The following ZC3H14 variants were observed in gnomAD, a reference collection of about 807,000 sequenced individuals.
ZC3H14 encodes the protein zinc finger CCCH domain-containing protein 14.
Under a neutral mutation model 92.4 loss-of-function variants are expected in ZC3H14, and 31 were observed. The ratio of observed to expected loss-of-function variants is 0.34; its 90% CI spans 0.25 to 0.45. The LOEUF is 0.45. Among genes scored for constraint, ZC3H14 ranks in the 20% least tolerant of loss-of-function variants. The probability of loss-of-function intolerance (pLI) is 1.00; values close to 1 mark genes in which losing one functional copy is unlikely to be tolerated. For synonymous variants in ZC3H14, 321 were observed against 300.9 expected, an observed-to-expected ratio of 1.07 and a Z score of -0.69; for missense variants, 781 against 897.3, an observed-to-expected ratio of 0.87 and a Z score of 1.66.
intron 10 of ZC3H14, among the ~76,000 whole-genome samples, chr14:88,599,457 A>C (rs1315905404): frequency 6.6e-6 from 1 of 152,134 alleles, no homozygotes; most frequent in Non-Finnish European, 1.5e-5. Context: ...GTCTCTACTC[A>C]GAAGATGTTA....
intron 9 of ZC3H14, among the ~76,000 whole-genome samples, chr14:88,593,708 A>G (rs1037112195): frequency 6.6e-6 from 1 of 152,226 alleles, no homozygotes; most frequent in South Asian, 2.1e-4. Flanking sequence ...ATCTTATGTC[A>G]TAAACAAAAA....
chr14:88,610,986 T>C (rs766606060), intron 16 of ZC3H14, 46 bp downstream of exon 16: 11 of 1,572,470 alleles, frequency 7.0e-6, no homozygotes, highest in Non-Finnish European at 9.6e-6. Flanking sequence ...AAATTCTTTT[T>C]TCTAATTTGC....
rs2083912527 is a variant in ZC3H14 at position 88,596,938 on chromosome 14, T to C, written c.1354+130T>C. 3 of 793,506 alleles carry C rather than the reference T, an allele frequency of 3.8e-6. 1 individual carries two copies. The allele number at this position is 793,506 out of a possible 1,614,324, so 49.2% of individuals were successfully genotyped here. ...GATGTTATATTTAGATCTGTGAAAATATTTTAGGGCCAGGAGATAAGATCT... is the reference window on the plus strand; with the variant it reads ...GATGTTATATTTAGATCTGTGAAAACATTTTAGGGCCAGGAGATAAGATCT... On this transcript the variant is annotated intron_variant, in intron 10 of 16. Coordinates refer to ENST00000251038, the MANE Select transcript of ZC3H14 (RefSeq NM_024824.5).
In ZC3H14 at chr14:88,607,905, T is replaced by C. The variant is rs116194635; in HGVS notation, c.1868+542T>C. On this transcript the variant is annotated intron_variant, in intron 13 of 16. Transcript: ENST00000251038. ...CCATCCCCATCTCACCCTGCAAGTA[T>C]CATCCCCCACCTCACCCTGCAAGTA... Among the ~76,000 whole-genome samples the C allele has an allele frequency of 5.1e-3, 209 of 40,738 alleles. 2 individuals are homozygous for C. The highest frequency in any genetic ancestry group is 0.022 in the East Asian group (10 of 448). The allele number at this position is 40,738 out of a possible 152,430, so 26.7% of individuals were successfully genotyped here.
chr14:88,602,389 A>G (rs1156500819), intron 11 of ZC3H14, among the ~76,000 whole-genome samples: 5 of 152,236 alleles, frequency 3.3e-5, no homozygotes, highest in Admixed American at 6.5e-5. Context: ...TAATCAGGTC[A>G]GCTCTAAAGA....
At chr14:88,610,689 A>G in intron 15 of ZC3H14, 145 bp from the exon 16 acceptor site, 1 of 747,910 alleles carries the variant, frequency 1.3e-6, no homozygotes, top group South Asian at 1.5e-5. Flanking sequence ...CTGTAGTCCC[A>G]GCTACTCGGG....
At chr14:88,573,370 A>G (rs985191957) in intron 6 of ZC3H14, among the ~76,000 whole-genome samples, 2 of 151,996 alleles carry the variant, frequency 1.3e-5, no homozygotes, top group African/African-American at 4.8e-5. Flanking sequence ...ACAGAGCGAG[A>G]CTCCGTCTCA....
intron 6 of ZC3H14, 40 bp downstream of exon 6, chr14:88,573,047 C>T (rs188939742): frequency 6.4e-5 from 103 of 1,608,024 alleles, no homozygotes; most frequent in South Asian, 2.2e-4. Context: ...GGCTAAAAAT[C>T]GGCAGTTCTT....
At chr14:88,607,625 C>T (rs1210794273) in intron 13 of ZC3H14, among the ~76,000 whole-genome samples, 3 of 134,854 alleles carry the variant, frequency 2.2e-5, no homozygotes, top group African/African-American at 5.6e-5. Context: ...TCCCATCTCA[C>T]CCTGCAAGTG....
At chr14:88,582,431 G>C (rs1481030815) in intron 9 of ZC3H14, among the ~76,000 whole-genome samples, 1 of 152,116 alleles carries the variant, frequency 6.6e-6, no homozygotes, top group Admixed American at 6.6e-5. Context: ...GAGATTAAAA[G>C]GCAAATCAAA....
At chr14:88,609,603 C>T in intron 14 of ZC3H14, 109 bp from the exon 15 acceptor site, 1 of 1,405,234 alleles carries the variant, frequency 7.1e-7, no homozygotes, top group Non-Finnish European at 1.0e-6. Flanking sequence ...TAAACCTTAC[C>T]ATTCTAATTT....
intron 6 of ZC3H14, 55 bp downstream of exon 6, chr14:88,573,062 C>T: frequency 3.2e-6 from 5 of 1,576,018 alleles, no homozygotes; most frequent in Non-Finnish European, 3.5e-6. Context: ...GTTCTTGATA[C>T]CAAATAATAT....
intron 13 of ZC3H14, among the ~76,000 whole-genome samples, 197 bp downstream of exon 13, chr14:88,607,560 C>T (rs370397394): frequency 1.4e-5 from 2 of 142,192 alleles, no homozygotes; most frequent in African/African-American, 5.3e-5. Context: ...CTGCAAGTAC[C>T]ATCCCCCATC....
At position 88,609,252 on chromosome 14, in the gene ZC3H14, TTTTTTG is replaced by T; in HGVS notation, c.1869-10_1869-5del. On this transcript the variant is annotated splice_polypyrimidine_tract_variant and intron_variant, in intron 13 of 16. Transcript: ENST00000251038. ...GAAGATTGAATATGAAATATGCTTT[TTTTTTG>T]TTTTGTAGAGCCTTCCCCAATTGTA... The T allele has an allele frequency of 6.4e-7, 1 of 1,562,732 alleles. No individual in the cohort carries two copies.
chr14:88,575,344 A>T (rs2081022108), intron 7 of ZC3H14, among the ~76,000 whole-genome samples: 2 of 152,124 alleles, frequency 1.3e-5, no homozygotes, highest in South Asian at 4.1e-4. Context: ...AATATTGACT[A>T]ATATGGTGGG....
rs778603856 is a variant in ZC3H14 at position 88,572,245 on chromosome 14, C to A, written c.431+20C>A. The A allele has an allele frequency of 4.2e-5, 67 of 1,612,694 alleles. No homozygotes were observed. The highest frequency in any genetic ancestry group is 1.6e-4 in the South Asian group (15 of 91,028). On this transcript the variant is annotated intron_variant, in intron 5 of 16. Transcript: ENST00000251038. ...TGTCAGGTAAGAGTCTGGTGTAGAC[C>A]TGCTGGGGGCAGATGGCTCTGTGTA...
At chr14:88,586,819 A>G (rs2082526293) in intron 9 of ZC3H14, 2 of 152,222 alleles carry the variant, frequency 1.3e-5, no homozygotes, top group Non-Finnish European at 2.9e-5. Context: ...AAATAGTATA[A>G]AAAAGATTAA....
intron 12 of ZC3H14, among the ~76,000 whole-genome samples, chr14:88,604,148 T>G (rs2085010715): frequency 2.6e-5 from 4 of 152,158 alleles, no homozygotes; most frequent in East Asian, 1.9e-4. Context: ...TACCTTAATT[T>G]TTTGGTCTAT....
In ZC3H14 at chr14:88,568,116, C is replaced by G. The variant is rs770878016; in HGVS notation, c.157C>G (p.Leu53Val). The G allele has an allele frequency of 6.2e-7, 1 of 1,614,092 alleles. No homozygotes were observed. Among genetic ancestry groups the G allele is most frequent in the Non-Finnish European group, 8.5e-7 (1 of 1,179,960 alleles). The part of the protein sequence containing the change: ...SQDQMTEDLS[L>V]FLGNNTIRFT... ...GGACCAAATGACAGAGGATCTGTCC[C>G]TGTTTCTAGGGAACAACACAATTCG... The change falls in exon 3 of 17, where the codon CTG becomes GTG. Residue 53 changes from leucine to valine, a missense_variant. Leu to Val is a conservative substitution (Grantham distance 32). Transcript: ENST00000251038.
Sources: allele counts gnomAD v4.1 joint callset (sites outside exome capture counted in the v4.1 genomes callset), GRCh38; gene constraint gnomAD v4.1.1; transcripts MANE v1.5; gene names NCBI Gene and HGNC (gene_info 2026-07-23, HGNC 2026-07-21).